The following KLHDC7B variants were observed in gnomAD, a reference collection of about 807,000 sequenced individuals.
The protein encoded by KLHDC7B is kelch domain containing 7B.
In KLHDC7B, 1 loss-of-function variant was observed where a neutral mutation model predicts 0.6. That is an observed-to-expected ratio of 1.71 (90% confidence interval 0.61 to 8.11). The LOEUF is 8.11. KLHDC7B is among the 30% of genes most tolerant of loss of function. The pLI, the probability that KLHDC7B is intolerant of heterozygous loss-of-function variation, is 0.13. For missense variants in KLHDC7B, 993 were observed against 894.9 expected (o/e 1.11, Z -1.40); for synonymous variants, 462 against 405.2 (o/e 1.14, Z -1.68).
rs1037683394 is a variant in KLHDC7B at position 50,548,623 on chromosome 22, G to C, written c.2380G>C (p.Asp794His). 10 of 1,542,012 alleles carry C rather than the reference G, an allele frequency of 6.5e-6. No individual in the cohort carries two copies. The African/African-American group carries it at 1.2e-4, about 19-fold the overall frequency. ...GGAGGTCAGGCCGGCCGCCTCGGGG[G>C]ACCCTCAAGGGGAGGCGCCGGGGGA... The part of the protein sequence containing the change: ...EQEVRPAASG[D>H]PQGEAPGEGG... Residue 794 changes from aspartate to histidine, a missense_variant, in exon 1 of 1, where the codon GAC (aspartate) becomes CAC (histidine). Coordinates refer to ENST00000648057, the MANE Select transcript of KLHDC7B (RefSeq NM_138433.5). This position sits in a 1 kb window ranked among gnomAD's most constrained non-coding sequence, Gnocchi z 5.3.
Position 50,548,390 on chromosome 22 carries a change from GCCCAGACCCTCC to G in KLHDC7B, c.2153_2164del (p.Asp718_Pro721del). On this transcript the variant is annotated inframe_deletion, in exon 1 of 1. Coordinates refer to ENST00000648057, the MANE Select transcript of KLHDC7B (RefSeq NM_138433.5). This position sits in a 1 kb window ranked among gnomAD's most constrained non-coding sequence, Gnocchi z 5.3. ...AGCTCCGAGACCAACGGATCGCCCA[GCCCAGACCCTCC>G]CCCAGGCCTAAGAGGAGAGGGAACC... is the stretch of plus-strand genomic sequence containing the variant. The G allele has an allele frequency of 1.9e-6, 3 of 1,554,592 alleles. No homozygotes were observed. The highest frequency in any genetic ancestry group is 2.6e-6 in the Non-Finnish European group (3 of 1,148,876).
In KLHDC7B at chr22:50,548,743, G is replaced by A. The variant is rs763238353; in HGVS notation, c.2500G>A (p.Gly834Arg). 1.8e-5 allele frequency: 26 copies of A among 1,465,084 alleles called. No individual in the cohort carries two copies. The highest frequency in any genetic ancestry group is 5.3e-5 in the Admixed American group (2 of 37,900). The allele number at this position is 1,465,084 out of a possible 1,614,324, so 90.8% of individuals were successfully genotyped here. ...MVFLQRPGGW[G>R]VVEGPRKPSS... Reference sequence around the variant, plus strand: ...GTTTCTGCAGAGGCCCGGGGGTTGGGGGGTGGTGGAGGGGCCCCGGAAGCC... The same window carrying A: ...GTTTCTGCAGAGGCCCGGGGGTTGGAGGGTGGTGGAGGGGCCCCGGAAGCC... Residue 834 changes from glycine to arginine, a missense_variant, in exon 1 of 1, where the codon GGG (glycine) becomes AGG (arginine). Coordinates refer to ENST00000648057, the MANE Select transcript of KLHDC7B (RefSeq NM_138433.5). The surrounding 1 kb of genome is among the most constrained non-coding windows in gnomAD (Gnocchi z 5.3).
chr22:50,549,196 C>T lies in KLHDC7B; in HGVS notation c.2953C>T (p.Leu985Phe). The change falls in exon 1 of 1, where the codon CTT (leucine) becomes TTT (phenylalanine). Residue 985 changes from leucine (L) to phenylalanine (F), a missense_variant. Transcript: ENST00000648057. ...GACCCAGGTGCCCGAGGAGGCCCCG[C>T]TTCGGGGCTGCGGTCTCTGCACCAT... Reference protein sequence around the residue: ...PLTQVPEEAPLRGCGLCTMHN... With the variant: ...PLTQVPEEAPFRGCGLCTMHN... The T allele has an allele frequency of 1.2e-6, 2 of 1,606,598 alleles. No homozygotes were observed. Among genetic ancestry groups the T allele is most frequent in the Non-Finnish European group, 1.7e-6 (2 of 1,179,752 alleles).
rs531402549 is a variant in KLHDC7B at position 50,546,168 on chromosome 22, C to T, written c.-76C>T. Among the ~76,000 whole-genome samples the T allele has an allele frequency of 9.8e-5, 15 of 152,324 alleles. No homozygotes were observed. Among genetic ancestry groups the T allele is most frequent in the East Asian group, 1.9e-4 (1 of 5,188 alleles). ...GGCAGCCCTTGGGGCAGGCGCTGGCCGGTGCCTCAGCCCAGGCCTCTGTGC... is the reference window on the plus strand; with the variant it reads ...GGCAGCCCTTGGGGCAGGCGCTGGCTGGTGCCTCAGCCCAGGCCTCTGTGC... On this transcript the variant is annotated 5_prime_UTR_variant, in exon 1 of 1. Coordinates refer to ENST00000648057, the MANE Select transcript of KLHDC7B (RefSeq NM_138433.5).
rs761791080 is a variant in KLHDC7B at position 50,548,958 on chromosome 22, C to T, written c.2715C>T (p.Ser905=). 3 of 1,596,306 alleles carry T rather than the reference C, an allele frequency of 1.9e-6. No homozygotes were observed. The South Asian group carries it at 3.3e-5, about 18-fold the overall frequency. The part of the protein sequence containing the change: ...LGDPCLYRRL[S]AADRERILSL... ...ACCCGTGCCTCTACCGCCGGCTGAGCGCGGCCGACCGCGAGCGCATCCTCA... is the reference window on the plus strand; with the variant it reads ...ACCCGTGCCTCTACCGCCGGCTGAGTGCGGCCGACCGCGAGCGCATCCTCA... The change falls in exon 1 of 1, where the codon AGC becomes AGT. Residue 905 remains serine (S), a synonymous_variant. Transcript: ENST00000648057. This position sits in a 1 kb window ranked among gnomAD's most constrained non-coding sequence, Gnocchi z 5.3.
In KLHDC7B at chr22:50,549,837, G is replaced by T. The variant is rs1569030925; in HGVS notation, c.3594G>T (p.Gly1198=). 3.2e-6 allele frequency: 5 copies of T among 1,584,870 alleles called. No homozygotes were observed. The highest frequency in any genetic ancestry group is 1.3e-5 in the African/African-American group (1 of 74,304). Residue 1198 remains glycine, a synonymous_variant, in exon 1 of 1, where the codon GGG becomes GGT. Transcript: ENST00000648057. ...CTGCCACCTTCACGGTCTCTGGGGG[G>T]ACTGCCCAGTTCCAGGCCAAGGAGC... ...QVTATFTVSG[G]TAQFQAKELQ... is the part of the protein sequence containing the mutation.
chr22:50,546,602 C>G lies in KLHDC7B; in HGVS notation c.359C>G (p.Ala120Gly). The G allele has an allele frequency of 2.5e-6, 1 of 397,556 alleles. No individual in the cohort carries two copies. Among genetic ancestry groups the G allele is most frequent in the Non-Finnish European group, 4.4e-6 (1 of 225,476 alleles). 24.6% of individuals were successfully genotyped at this position (397,556 alleles called of 1,614,324 possible). ...CCGGGCGGGGGCCTGGCCGCCATGG[C>G]CCGGCTTCCACTCAAGACGGCTGTC... ...AAPGGGLAAM[A>G]RLPLKTAVEE... The change falls in exon 1 of 1, where the codon GCC (alanine) becomes GGC (glycine). Residue 120 changes from alanine to glycine, a missense_variant. Coordinates refer to ENST00000648057, the MANE Select transcript of KLHDC7B (RefSeq NM_138433.5).
rs934718586 is a variant in KLHDC7B, at chr22:50,549,052, C to T, written c.2809C>T (p.Arg937Cys). ...LVLPSLYQGG[R>C]SGLPRGPRGE... ...ACTGCCCAGCCTCTACCAGGGGGGC[C>T]GCTCAGGGCTCCCCAGGGGCCCTCG... The change falls in exon 1 of 1, where the codon CGC (arginine) becomes TGC (cysteine). Residue 937 changes from arginine (R) to cysteine (C), a missense_variant. Arg to Cys is a radical substitution (Grantham distance 180, BLOSUM62 -3). Transcript: ENST00000648057. The T allele has an allele frequency of 5.0e-6, 8 of 1,596,912 alleles. No homozygotes were observed. In the Middle Eastern group the frequency reaches 5.0e-4, roughly 100 times the overall value.
At position 50,549,736 on chromosome 22, in the gene KLHDC7B, C is replaced by T. The variant is rs1202848150; in HGVS notation, c.3493C>T (p.Leu1165=). 1.3e-6 allele frequency: 2 copies of T among 1,591,726 alleles called. No homozygotes were observed. The highest frequency in any genetic ancestry group is 1.7e-6 in the Non-Finnish European group (2 of 1,171,418). ...CGGCTCCTGGAGCAGGGCTGCCTCC[C>T]TGCCCCTGCCCGCCCCCGCCCCACT... ...VTGSWSRAAS[L]PLPAPAPLHC... Residue 1165 remains leucine (L), a synonymous_variant, in exon 1 of 1, where the codon CTG becomes TTG. Transcript: ENST00000648057.
Position 50,547,464 on chromosome 22 carries a change from C to T in KLHDC7B, c.1221C>T (p.Arg407=), listed in dbSNP as rs1430338433. 7.8e-6 allele frequency: 3 copies of T among 382,352 alleles called. No individual in the cohort carries two copies. Among genetic ancestry groups the T allele is most frequent in the Non-Finnish European group, 1.4e-5 (3 of 215,848 alleles). The allele number at this position is 382,352 out of a possible 1,614,324, so 23.7% of individuals were successfully genotyped here. Residue 407 remains arginine (R), a synonymous_variant, in exon 1 of 1, where the codon CGC becomes CGT. Coordinates refer to ENST00000648057, the MANE Select transcript of KLHDC7B (RefSeq NM_138433.5). The part of the protein sequence containing the change: ...QAKPAAAGHS[R]APSRSREPRP... ...AGCCGGCTGCAGCCGGCCACAGCCG[C>T]GCGCCCTCCCGGAGCCGTGAGCCTC...
Position 50,550,979 on chromosome 22 carries a change from G to T in KLHDC7B, c.*1028G>T. 2.4e-6 allele frequency: 1 copy of T among 412,690 alleles called. No individual in the cohort carries two copies. The highest frequency in any genetic ancestry group is 4.6e-6 in the Non-Finnish European group (1 of 216,126). The allele number at this position is 412,690 out of a possible 1,614,324, so 25.6% of individuals were successfully genotyped here. ...GCCCTTTTTCTGTTTTTTATTCTATGTTCAGCACCACTGGCACCAAATACA... is the reference window on the plus strand; with the variant it reads ...GCCCTTTTTCTGTTTTTTATTCTATTTTCAGCACCACTGGCACCAAATACA... On this transcript the variant is annotated 3_prime_UTR_variant, in exon 1 of 1. Transcript: ENST00000648057.
Position 50,546,941 on chromosome 22 carries a change from G to T in KLHDC7B, c.698G>T (p.Arg233Leu), listed in dbSNP as rs1248979874. ...SMGRGRGRRR[R>L]MDAGSGDRAR... The stretch of plus-strand genomic sequence containing the variant: ...GGGAGAGGCCGGGGCCGGCGGCGGC[G>T]GATGGACGCTGGCTCGGGAGACAGA... Residue 233 changes from arginine to leucine, a missense_variant, in exon 1 of 1, where the codon CGG (arginine) becomes CTG (leucine). Transcript: ENST00000648057. Among the ~76,000 whole-genome samples the T allele has an allele frequency of 6.6e-6, 1 of 151,622 alleles. No homozygotes were observed. The highest frequency in any genetic ancestry group is 2.4e-5 in the African/African-American group (1 of 41,298).
Position 50,549,595 on chromosome 22 carries a change from C to A in KLHDC7B, c.3352C>A (p.Pro1118Thr), listed in dbSNP as rs1371174881. Residue 1118 changes from proline to threonine, a missense_variant, in exon 1 of 1, where the codon CCA becomes ACA. Physicochemically the swap from Pro to Thr is conservative, Grantham distance 38. Transcript: ENST00000648057. ...SPVKDAWDEC[P>T]YSASHRRSSD... ...CGTGAAGGATGCTTGGGACGAGTGC[C>A]CATACAGTGCCAGCCACCGGCGTTC... 1 of 1,566,430 alleles carries A rather than the reference C, an allele frequency of 6.4e-7. No homozygotes were observed. The highest frequency in any genetic ancestry group is 2.3e-5 in the East Asian group (1 of 44,322).
At position 50,548,220 on chromosome 22, in the gene KLHDC7B, C is replaced by G. The variant is rs1469524357; in HGVS notation, c.1977C>G (p.Val659=). The change falls in exon 1 of 1, where the codon GTC becomes GTG. Residue 659 remains valine, a synonymous_variant. Coordinates refer to ENST00000648057, the MANE Select transcript of KLHDC7B (RefSeq NM_138433.5). This position sits in a 1 kb window ranked among gnomAD's most constrained non-coding sequence, Gnocchi z 5.3. The part of the protein sequence containing the change: ...FPRQDRPQGS[V]PRAVPGSPVG... ...GGCAAGACAGGCCCCAAGGGAGTGTCCCGAGGGCGGTTCCCGGGAGCCCCG... is the reference window on the plus strand; with the variant it reads ...GGCAAGACAGGCCCCAAGGGAGTGTGCCGAGGGCGGTTCCCGGGAGCCCCG... 3 of 1,549,804 alleles carry G rather than the reference C, an allele frequency of 1.9e-6. No individual in the cohort carries two copies. Among genetic ancestry groups the G allele is most frequent in the Non-Finnish European group, 2.6e-6 (3 of 1,146,216 alleles).
At position 50,547,009 on chromosome 22, in the gene KLHDC7B, G is replaced by A. The variant is rs2069737174; in HGVS notation, c.766G>A (p.Ala256Thr). The part of the protein sequence containing the change: ...RKLDPLRLGA[A>T]GSVWDAVDGA... Reference sequence around the variant, plus strand: ...ACTGGACCCGCTCCGCCTGGGCGCCGCGGGGAGCGTGTGGGACGCGGTGGA... The same window carrying A: ...ACTGGACCCGCTCCGCCTGGGCGCCACGGGGAGCGTGTGGGACGCGGTGGA... The change falls in exon 1 of 1, where the codon GCG becomes ACG. Residue 256 changes from alanine (A) to threonine (T), a missense_variant. Physicochemically the swap from Ala to Thr is moderately conservative, Grantham distance 58. Transcript: ENST00000648057. Among the ~76,000 whole-genome samples the A allele has an allele frequency of 6.6e-6, 1 of 151,318 alleles. No individual in the cohort carries two copies. Among genetic ancestry groups the A allele is most frequent in the Non-Finnish European group, 1.5e-5 (1 of 67,714 alleles).
Position 50,550,030 on chromosome 22 carries a change from AGGGAAG to A in KLHDC7B, c.*83_*88del. On this transcript the variant is annotated 3_prime_UTR_variant, in exon 1 of 1. Coordinates refer to ENST00000648057, the MANE Select transcript of KLHDC7B (RefSeq NM_138433.5). Reference sequence around the variant, plus strand: ...GGATGGGCCTGAGAGGCCGGGGCTCAGGGAAGGGGCTGGGATCGGAACTTCCTGCTC... The same window carrying A: ...GGATGGGCCTGAGAGGCCGGGGCTCAGGGCTGGGATCGGAACTTCCTGCTC... 1 of 1,374,174 alleles carries A rather than the reference AGGGAAG, an allele frequency of 7.3e-7. No homozygotes were observed. The highest frequency in any genetic ancestry group is 9.7e-7 in the Non-Finnish European group (1 of 1,033,906). The allele number at this position is 1,374,174 out of a possible 1,614,324, so 85.1% of individuals were successfully genotyped here.
Position 50,547,219 on chromosome 22 carries a change from T to C in KLHDC7B, c.976T>C (p.Trp326Arg), listed in dbSNP as rs2069739812. Residue 326 changes from tryptophan to arginine, a missense_variant, in exon 1 of 1, where the codon TGG becomes CGG. Coordinates refer to ENST00000648057, the MANE Select transcript of KLHDC7B (RefSeq NM_138433.5). ...ASGVPAPGGGWPWVSREVPGT... is the reference protein window; with the variant it reads ...ASGVPAPGGGRPWVSREVPGT... ...GGGGGTCCCTGCCCCCGGAGGAGGC[T>C]GGCCCTGGGTCAGCAGGGAGGTCCC... 6.6e-6 allele frequency among the ~76,000 whole-genome samples: 1 copy of C among 151,776 alleles called. No homozygotes were observed. The highest frequency in any genetic ancestry group is 1.5e-5 in the Non-Finnish European group (1 of 67,848).
rs2148696566 is a variant in KLHDC7B at position 50,550,187 on chromosome 22, A to G, written c.*236A>G. ...TGTTTCCTGACTCAATTCCGTACCT[A>G]CTTACAGACCCTCTCAGCTTGCTGA... On this transcript the variant is annotated 3_prime_UTR_variant, in exon 1 of 1. Transcript: ENST00000648057. The G allele has an allele frequency of 2.1e-6, 1 of 482,976 alleles. No homozygotes were observed. Among genetic ancestry groups the G allele is most frequent in the Non-Finnish European group, 3.7e-6 (1 of 266,732 alleles). The allele number at this position is 482,976 out of a possible 1,614,324, so 29.9% of individuals were successfully genotyped here.
Position 50,548,970 on chromosome 22 carries a change from C to T in KLHDC7B, c.2727C>T (p.Arg909=), listed in dbSNP as rs781092707. Reference sequence around the variant, plus strand: ...ACCGCCGGCTGAGCGCGGCCGACCGCGAGCGCATCCTCAGCCTGCGGACCG... The same window carrying T: ...ACCGCCGGCTGAGCGCGGCCGACCGTGAGCGCATCCTCAGCCTGCGGACCG... The part of the protein sequence containing the change: ...CLYRRLSAAD[R]ERILSLRTGR... The change falls in exon 1 of 1, where the codon CGC becomes CGT. Residue 909 remains arginine, a synonymous_variant. Transcript: ENST00000648057. This position sits in a 1 kb window ranked among gnomAD's most constrained non-coding sequence, Gnocchi z 5.3. 3.8e-6 allele frequency: 6 copies of T among 1,598,100 alleles called. No individual in the cohort carries two copies. The highest frequency in any genetic ancestry group is 1.7e-4 in the Middle Eastern group (1 of 5,810).
Sources: gnomAD v4.1 joint callset for allele counts (sites outside exome capture counted in the v4.1 genomes callset) on GRCh38, gnomAD v4.1.1 for gene constraint, Gnocchi (gnomAD v3.1) non-coding constraint, MANE v1.5 for transcripts, NCBI Gene and HGNC (gene_info 2026-07-23, HGNC 2026-07-21) for gene names.